Variants in MARCHF1 observed in about 807,000 individuals in gnomAD.
MARCHF1 encodes the protein E3 ubiquitin-protein ligase MARCHF1.
MARCHF1 carries 40 observed loss-of-function variants against 54.2 expected under a neutral mutation model. The ratio of observed to expected loss-of-function variants is 0.74; its 90% CI spans 0.57 to 0.96. MARCHF1 has a LOEUF of 0.96. Ranked by LOEUF, MARCHF1 falls within the 40% of genes least tolerant of loss-of-function variation. MARCHF1 has a pLI of 0.00. For synonymous variants in MARCHF1, 236 were observed against 236.3 expected (o/e 1.00, Z 0.01); for missense variants, 586 against 656.5 (o/e 0.89, Z 1.17).
At chr4:163,721,391 G>A (rs1024452935) in intron 4 of MARCHF1, among the ~76,000 whole-genome samples, 2 of 152,094 alleles carry the variant, frequency 1.3e-5, no homozygotes, top group Admixed American at 6.6e-5. Flanking sequence ...ACTTGATCAT[G>A]GTGGATAAGC....
intron 4 of MARCHF1, among the ~76,000 whole-genome samples, chr4:163,772,185 A>G (rs1023030945): frequency 1.3e-5 from 2 of 152,132 alleles, no homozygotes; most frequent in African/African-American, 2.4e-5. Flanking sequence ...TTCAATTCCT[A>G]TAAGAAGTGG....
At chr4:164,289,412 C>T (rs563328661) in intron 1 of MARCHF1, among the ~76,000 whole-genome samples, 1 of 151,850 alleles carries the variant, frequency 6.6e-6, no homozygotes, top group East Asian at 1.9e-4. Flanking sequence ...TGAAACTAAA[C>T]CTGAAATACA....
intron 3 of MARCHF1, among the ~76,000 whole-genome samples, chr4:163,920,266 C>T (rs1443599987): frequency 1.3e-5 from 2 of 152,106 alleles, no homozygotes; most frequent in African/African-American, 4.8e-5. Context: ...CAGCTGGAAA[C>T]ATAGACTTAA....
chr4:163,905,140 G>A (rs1198118703), intron 3 of MARCHF1, among the ~76,000 whole-genome samples: 2 of 152,056 alleles, frequency 1.3e-5, no homozygotes, highest in African/African-American at 4.8e-5. Context: ...ATTCATTAGA[G>A]GAGGCAGGTG....
chr4:163,868,350 C>T (rs1313136544), intron 3 of MARCHF1, among the ~76,000 whole-genome samples: 1 of 151,690 alleles, frequency 6.6e-6, no homozygotes, highest in Admixed American at 6.6e-5. Context: ...AAAGGAAAAT[C>T]ATACAGAGAG....
intron 1 of MARCHF1, among the ~76,000 whole-genome samples, chr4:164,141,407 G>C (rs552642258): frequency 1.1e-4 from 17 of 152,306 alleles, no homozygotes; most frequent in Non-Finnish European, 2.2e-4. Flanking sequence ...TTACAAAGAA[G>C]AGTCACATAC....
intron 1 of MARCHF1, chr4:164,197,763 T>C (rs1731322696): frequency 6.2e-7 from 1 of 1,609,712 alleles, no homozygotes; most frequent in Non-Finnish European, 8.5e-7. Flanking sequence ...ATTCAATCAA[T>C]AAACCTCGAA....
intron 1 of MARCHF1, among the ~76,000 whole-genome samples, chr4:164,223,838 A>G (rs1468636462): frequency 1.3e-5 from 2 of 151,532 alleles, no homozygotes; most frequent in African/African-American, 2.4e-5. Context: ...TTCTTAGACA[A>G]TAGTCATTCA....
At chr4:163,808,003 G>A (rs1240934602) in intron 4 of MARCHF1, among the ~76,000 whole-genome samples, 1 of 152,044 alleles carries the variant, frequency 6.6e-6, no homozygotes, top group Non-Finnish European at 1.5e-5. Context: ...TACAAATCAG[G>A]CTCTGCCTTT....
At chr4:164,370,111 G>A (rs2110953962) in intron 1 of MARCHF1, among the ~76,000 whole-genome samples, 1 of 152,240 alleles carries the variant, frequency 6.6e-6, no homozygotes, top group East Asian at 1.9e-4. Context: ...ATATGGACAG[G>A]AAAGCTCTAT....
intron 8 of MARCHF1, among the ~76,000 whole-genome samples, chr4:163,578,970 A>G (rs1279767844): frequency 6.6e-6 from 1 of 152,180 alleles, no homozygotes. Context: ...GACTAGAGGG[A>G]GAACTATGTT....
intron 4 of MARCHF1, among the ~76,000 whole-genome samples, chr4:163,704,427 T>TA (rs1211487560): frequency 4.6e-5 from 7 of 151,822 alleles, no homozygotes; most frequent in South Asian, 4.1e-4. Context: ...AAAAGATATA[T>TA]AAAAAATCTC....
At chr4:163,884,758 G>A (rs1252940044) in intron 3 of MARCHF1, among the ~76,000 whole-genome samples, 1 of 152,142 alleles carries the variant, frequency 6.6e-6, no homozygotes, top group Non-Finnish European at 1.5e-5. Context: ...GAAATACCAG[G>A]AGGCAGCCCA....
intron 2 of MARCHF1, among the ~76,000 whole-genome samples, chr4:164,099,356 G>A (rs950610479): frequency 6.6e-6 from 1 of 152,182 alleles, no homozygotes. Flanking sequence ...TTAAGGCTAT[G>A]TGGAAAAATA....
At chr4:163,693,682 G>A (rs995657895) in intron 5 of MARCHF1, among the ~76,000 whole-genome samples, 3 of 151,862 alleles carry the variant, frequency 2.0e-5, no homozygotes, top group African/African-American at 7.3e-5. Flanking sequence ...CCTGGCCATA[G>A]TAAGACTAAA....
intron 9 of MARCHF1, among the ~76,000 whole-genome samples, chr4:163,541,259 C>G (rs982593483): frequency 6.6e-6 from 1 of 152,220 alleles, no homozygotes; most frequent in African/African-American, 2.4e-5. Context: ...GCCATGAAAA[C>G]AAAGTCAATT....
At chr4:163,745,114 T>C (rs975535274) in intron 4 of MARCHF1, among the ~76,000 whole-genome samples, 2 of 150,496 alleles carry the variant, frequency 1.3e-5, no homozygotes, top group African/African-American at 4.9e-5. Context: ...TTTCTTTCTT[T>C]CTTTTTTTTT....
intron 1 of MARCHF1, among the ~76,000 whole-genome samples, chr4:164,356,927 G>A (rs1227318025): frequency 1.3e-5 from 2 of 151,790 alleles, no homozygotes; most frequent in Non-Finnish European, 2.9e-5. Flanking sequence ...ACATAGAGGA[G>A]AACAACAGAC....
intron 4 of MARCHF1, among the ~76,000 whole-genome samples, chr4:163,852,378 C>A (rs141607392): frequency 1.7e-3 from 258 of 152,244 alleles, no homozygotes; most frequent in African/African-American, 6.2e-3. Context: ...AGGAGTTAAG[C>A]ACTAAAGCAC....
Sources: gnomAD v4.1 joint callset for allele counts (sites outside exome capture counted in the v4.1 genomes callset) on GRCh38, gnomAD v4.1.1 for gene constraint, MANE v1.5 for transcripts, NCBI Gene and HGNC (gene_info 2026-07-23, HGNC 2026-07-21) for gene names.